The following NFIB variants were observed in gnomAD, a reference collection of about 807,000 sequenced individuals.
NFIB encodes the protein nuclear factor 1 B-type.
A neutral mutation model predicts 61.5 loss-of-function variants in NFIB; 11 were observed. The observed-to-expected ratio is 0.18, with a 90% confidence interval of 0.11 to 0.30. The LOEUF (loss-of-function observed/expected upper bound fraction) is 0.30. Among genes scored for constraint, NFIB ranks in the 10% least tolerant of loss-of-function variants. The pLI is 1.00. For missense variants in NFIB, 471 were observed against 608.9 expected (o/e 0.77, Z 2.38); for synonymous variants, 260 against 216.5 (o/e 1.20, Z -1.76).
intron 6 of NFIB, among the ~76,000 whole-genome samples, chr9:14,137,477 T>C (rs2041195867): frequency 6.6e-6 from 1 of 152,210 alleles, no homozygotes; most frequent in Admixed American, 6.5e-5. Context: ...TTGGAAAGAC[T>C]CAAGTACTGA....
intron 2 of NFIB, among the ~76,000 whole-genome samples, chr9:14,278,929 A>T (rs2058186255): frequency 6.6e-6 from 1 of 152,216 alleles, no homozygotes. Context: ...ACCTAAGCTG[A>T]AAGTCCACAA....
chr9:14,129,321 C>T (rs1021814181), intron 6 of NFIB, among the ~76,000 whole-genome samples: 9 of 150,458 alleles, frequency 6.0e-5, no homozygotes, highest in African/African-American at 1.7e-4. Flanking sequence ...TAAAAATACA[C>T]TGCTACACAG....
intron 1 of NFIB, among the ~76,000 whole-genome samples, chr9:14,347,735 A>G (rs997945908): frequency 6.6e-6 from 1 of 152,108 alleles, no homozygotes; most frequent in African/African-American, 2.4e-5. Context: ...GGAAACAGAC[A>G]AGGCAGGGCC....
intron 3 of NFIB, among the ~76,000 whole-genome samples, chr9:14,161,504 T>C (rs921596867): frequency 1.3e-5 from 2 of 150,728 alleles, no homozygotes; most frequent in African/African-American, 4.9e-5. Context: ...TTTTTCCGCA[T>C]ATATATATAT....
At chr9:14,300,316 T>C (rs2059682803) in intron 2 of NFIB, 2 of 397,994 alleles carry the variant, frequency 5.0e-6, no homozygotes, top group Admixed American at 8.8e-5. Flanking sequence ...ATTTCTAAAA[T>C]TATTCCTCCT....
intron 2 of NFIB, among the ~76,000 whole-genome samples, chr9:14,305,479 G>GTT (rs1393609050): frequency 2.6e-5 from 4 of 152,118 alleles, no homozygotes; most frequent in African/African-American, 9.7e-5. Context: ...GTGTTACTGA[G>GTT]TTTTATTTTA....
At chr9:14,197,254 G>T (rs372426235) in intron 2 of NFIB, among the ~76,000 whole-genome samples, 41 of 152,282 alleles carry the variant, frequency 2.7e-4, no homozygotes, top group African/African-American at 9.4e-4. Context: ...GGATCTGAGG[G>T]ACGACCCTTA....
At position 14,088,282 on chromosome 9, in the gene NFIB, C is replaced by A; in HGVS notation, c.*27G>T. 1 of 1,597,278 alleles carries A rather than the reference C, an allele frequency of 6.3e-7. No individual in the cohort carries two copies. The highest frequency in any genetic ancestry group is 8.5e-7 in the Non-Finnish European group (1 of 1,170,180). ...GACATTGGCCGGTAAGATGGGTGTC[C>A]TATTTGACACTTGGAAAGGAACCAA... On this transcript the variant is annotated 3_prime_UTR_variant, in exon 11 of 11. Coordinates refer to ENST00000380953, the MANE Select transcript of NFIB (RefSeq NM_001190737.2).
chr9:14,503,889 C>A, the NFIB span, among the ~76,000 whole-genome samples: 1 of 152,200 alleles, frequency 6.6e-6, no homozygotes, highest in Non-Finnish European at 1.5e-5. Flanking sequence ...GTCATGAAGT[C>A]TTCGCCTAAG....
chr9:14,146,501 A>C (rs2131109954), intron 6 of NFIB, among the ~76,000 whole-genome samples, 188 bp downstream of exon 6: 1 of 152,326 alleles, frequency 6.6e-6, no homozygotes, highest in East Asian at 1.9e-4. Context: ...TGTAAAAATA[A>C]GATTTTGGAT....
intron 2 of NFIB, among the ~76,000 whole-genome samples, chr9:14,235,374 G>A (rs2053639467): frequency 6.6e-6 from 1 of 152,178 alleles, no homozygotes; most frequent in Admixed American, 6.5e-5. Flanking sequence ...GCCTGTGTGA[G>A]ACCTTAGTGC....
the NFIB span, among the ~76,000 whole-genome samples, chr9:14,519,428 G>T: frequency 2.0e-5 from 3 of 152,172 alleles, no homozygotes; most frequent in Non-Finnish European, 4.4e-5. Flanking sequence ...AGAAAGGTAA[G>T]CAAAGTCTTT....
At position 14,225,456 on chromosome 9, in the gene NFIB, CAAAAAAAAA is replaced by C. The variant is rs1228589594; in HGVS notation, c.563-45685_563-45677del. Among the ~76,000 whole-genome samples the C allele has an allele frequency of 2.3e-3, 135 of 58,020 alleles. 2 individuals carry two copies. Among genetic ancestry groups the C allele is most frequent in the African/African-American group, 5.7e-3 (126 of 22,122 alleles). 38.1% of individuals were successfully genotyped at this position (58,020 alleles called of 152,430 possible). On this transcript the variant is annotated intron_variant, in intron 2 of 10. Transcript: ENST00000380953. ...TGGGCGACAGAGCGAGACTCCGTCT[CAAAAAAAAA>C]AAAAAAAAAAAAAAAGAAGAAGAAG...
chr9:14,304,866 T>C (rs889722505), intron 2 of NFIB, among the ~76,000 whole-genome samples: 5 of 152,166 alleles, frequency 3.3e-5, no homozygotes, highest in Non-Finnish European at 7.3e-5. Flanking sequence ...AAGAAGAATA[T>C]ATAAATTTTG....
intron 6 of NFIB, among the ~76,000 whole-genome samples, chr9:14,143,449 T>C (rs1409408810): frequency 6.6e-6 from 1 of 152,130 alleles, no homozygotes; most frequent in East Asian, 1.9e-4. Context: ...ATATTGTCCA[T>C]AATTTTGTTA....
At chr9:14,381,957 C>CCAG (rs199867077) in intron 1 of NFIB, among the ~76,000 whole-genome samples, 3,474 of 152,290 alleles carry the variant, frequency 0.023, 120 homozygotes, top group African/African-American at 0.074. Flanking sequence ...GCATAAAGCA[C>CCAG]CAGCCTTTCA....
chr9:14,167,173 AG>A (rs1351228246), intron 3 of NFIB, among the ~76,000 whole-genome samples: 1 of 151,686 alleles, frequency 6.6e-6, no homozygotes, highest in Non-Finnish European at 1.5e-5. Flanking sequence ...TCTGAAGATG[AG>A]GGTAGACGAA....
chr9:14,287,047 G>A (rs1484285801), intron 2 of NFIB, among the ~76,000 whole-genome samples: 1 of 152,154 alleles, frequency 6.6e-6, no homozygotes, highest in Non-Finnish European at 1.5e-5. Flanking sequence ...AGATGGGGAA[G>A]TACAGAGGAA....
At chr9:14,474,325 T>C in the NFIB span, among the ~76,000 whole-genome samples, 1 of 152,116 alleles carries the variant, frequency 6.6e-6, no homozygotes, top group Non-Finnish European at 1.5e-5. Context: ...GTCAAGGAAG[T>C]TCTCTGGGGT....
Sources: gnomAD v4.1 joint callset for allele counts (sites outside exome capture counted in the v4.1 genomes callset) on GRCh38, gnomAD v4.1.1 for gene constraint, MANE v1.5 for transcripts, NCBI Gene and HGNC (gene_info 2026-07-23, HGNC 2026-07-21) for gene names.